Variants in PSG4 observed in about 807,000 individuals in gnomAD.
The protein encoded by PSG4 is pregnancy specific beta-1-glycoprotein 4.
In PSG4, 61 loss-of-function variants were observed where a neutral mutation model predicts 44.3. That is an observed-to-expected ratio of 1.38 (90% CI 1.12 to 1.70). PSG4 has a LOEUF of 1.70. PSG4 is among the 40% of genes most tolerant of loss of function. PSG4 has a pLI of 0.00. For synonymous variants in PSG4, 248 were observed against 191.3 expected (o/e 1.30, Z -2.45); for missense variants, 677 against 511.7 (o/e 1.32, Z -3.12).
chr19:43,204,094 G>A lies in PSG4; in HGVS notation c.222C>T (p.Tyr74=), dbSNP rs1568390703. 4.4e-6 allele frequency: 7 copies of A among 1,586,472 alleles called. 2 individuals are homozygous for A. The highest frequency in any genetic ancestry group is 5.3e-5 in the East Asian group (2 of 37,512). The stretch of plus-strand genomic sequence containing the variant: ...CATATGATGTAATGTAATGGTAGAG[G>A]TATGTCATTTGCCCTTTGTACCAAA... ...GYIWYKGQMT[Y]LYHYITSYVV... is the part of the protein sequence containing the mutation. Residue 74 remains tyrosine, a synonymous_variant, in exon 2 of 6, where the codon TAC becomes TAT. Transcript: ENST00000405312.
chr19:43,202,034 G>A (rs1967536317), intron 2 of PSG4, among the ~76,000 whole-genome samples: 1 of 145,154 alleles, frequency 6.9e-6, no homozygotes, highest in Non-Finnish European at 1.5e-5. Context: ...GCAACTCCAG[G>A]TGATTTCTGC....
Position 43,205,357 on chromosome 19 carries a change from T to G in PSG4, c.64+116A>C, listed in dbSNP as rs1967736014. ...CTCCTGATCTCCTGATCCACCCAAC[T>G]CAGCCTCCCAAAGTGCTGGCTTCTT... On this transcript the variant is annotated intron_variant, in intron 1 of 5. Transcript: ENST00000405312. 18 of 1,260,464 alleles carry G rather than the reference T, an allele frequency of 1.4e-5. 1 individual carries two copies. Among genetic ancestry groups the G allele is most frequent in the Non-Finnish European group, 1.9e-5 (18 of 928,576 alleles). The allele number at this position is 1,260,464 out of a possible 1,614,324, so 78.1% of individuals were successfully genotyped here.
rs986368798 is a variant in PSG4 at position 43,200,919 on chromosome 19, C to T, written c.431-2644G>A. Among the ~76,000 whole-genome samples the T allele has an allele frequency of 2.6e-4, 38 of 145,866 alleles. 9 individuals carry two copies. Among genetic ancestry groups the T allele is most frequent in the East Asian group, 2.1e-3 (9 of 4,248 alleles). Reference sequence around the variant, plus strand: ...GTTGACTTTTTACTTAGTGTTAGAACGGAGTCACAAATTTTAAGCTTGTTA... The same window carrying T: ...GTTGACTTTTTACTTAGTGTTAGAATGGAGTCACAAATTTTAAGCTTGTTA... On this transcript the variant is annotated intron_variant, in intron 2 of 5. Coordinates refer to ENST00000405312, the MANE Select transcript of PSG4 (RefSeq NM_002780.5).
chr19:43,205,473 C>T lies in PSG4; in HGVS notation c.64G>A (p.Ala22Thr). Residue 22 changes from alanine (A) to threonine (T), a missense_variant and splice_region_variant, in exon 1 of 6, where the codon GCA becomes ACA. Transcript: ENST00000405312. ...CTCTCCCAGGAAGTTCTCTCCTCAC[C>T]TGTGAGCAGGACCCCCTTCCAGGTG... is the stretch of plus-strand genomic sequence containing the variant. Reference protein sequence around the residue: ...RITWKGVLLTASLLNFWNPPT... With the variant: ...RITWKGVLLTTSLLNFWNPPT... The T allele has an allele frequency of 2.6e-6, 4 of 1,544,674 alleles. No individual in the cohort carries two copies. Among genetic ancestry groups the T allele is most frequent in the Non-Finnish European group, 3.5e-6 (4 of 1,141,148 alleles).
At chr19:43,205,111 C>CTTTTTTTTTTCTTTTTTTTTTTT (rs1555724415) in intron 1 of PSG4, among the ~76,000 whole-genome samples, 8 of 90,852 alleles carry the variant, frequency 8.8e-5, no homozygotes, top group Non-Finnish European at 1.6e-4. Context: ...TTCCTTTTTT[C>CTTTTTTTTTTCTTTTTTTTTTTT]TTTTTTTTTT....
chr19:43,199,229 C>A (rs1459521212), intron 2 of PSG4, among the ~76,000 whole-genome samples: 1 of 145,456 alleles, frequency 6.9e-6, no homozygotes, highest in Non-Finnish European at 1.5e-5. Flanking sequence ...ATTCTACTCT[C>A]TGATTCTGAG....
chr19:43,195,593 C>G (rs539763826), intron 3 of PSG4, among the ~76,000 whole-genome samples: 7 of 151,492 alleles, frequency 4.6e-5, no homozygotes, highest in African/African-American at 1.7e-4. Context: ...AACTTGCTGG[C>G]TCACCTTGGG....
chr19:43,194,702 T>G (rs1464180245), intron 4 of PSG4, 108 bp from the exon 5 acceptor site: 21 of 1,494,344 alleles, frequency 1.4e-5, no homozygotes, highest in Non-Finnish European at 1.9e-5. Context: ...CACCTTCAAG[T>G]CCCAGCCAAA....
intron 2 of PSG4, chr19:43,198,597 C>A (rs1568386512): frequency 5.8e-6 from 2 of 342,830 alleles, no homozygotes; most frequent in Non-Finnish European, 5.0e-6. Flanking sequence ...GCCTGACCCA[C>A]CTTGTGGTCC....
In PSG4 at chr19:43,194,326, T is replaced by G. The variant is rs760943000; in HGVS notation, c.1243+14A>C. The stretch of plus-strand genomic sequence containing the variant: ...CCTAAATCCCTATTGCCAAGGATGC[T>G]GGGATCCACTTACCAGAGACTTTGA... On this transcript the variant is annotated intron_variant, in intron 5 of 5. Coordinates refer to ENST00000405312, the MANE Select transcript of PSG4 (RefSeq NM_002780.5). 2 of 1,612,178 alleles carry G rather than the reference T, an allele frequency of 1.2e-6. No individual in the cohort carries two copies. Among genetic ancestry groups the G allele is most frequent in the South Asian group, 2.2e-5 (2 of 91,020 alleles).
rs890941231 is a variant in PSG4, at chr19:43,197,714, A to T, written c.709+283T>A. The T allele has an allele frequency of 6.6e-6, 4 of 606,756 alleles. No homozygotes were observed. In the South Asian group the frequency reaches 9.8e-5, roughly 15 times the overall value. 37.6% of individuals were successfully genotyped at this position (606,756 alleles called of 1,614,324 possible). On this transcript the variant is annotated intron_variant, in intron 3 of 5. Coordinates refer to ENST00000405312, the MANE Select transcript of PSG4 (RefSeq NM_002780.5). ...GTCGCAACACTGAAGTCCCAGCCAA[A>T]TCCCCGCTGTGTTCACTGATCTGGA... is the stretch of plus-strand genomic sequence containing the variant.
Position 43,204,286 on chromosome 19 carries a change from A to G in PSG4, c.65-35T>C, listed in dbSNP as rs764214829. On this transcript the variant is annotated intron_variant, in intron 1 of 5. Transcript: ENST00000405312. The stretch of plus-strand genomic sequence containing the variant: ...ACAGAGAGCATCAGTTAATATTGAG[A>G]CCTATGTATTGGGGTGAAAAGATGG... 7.6e-5 allele frequency: 116 copies of G among 1,530,756 alleles called. 11 individuals carry two copies. The highest frequency in any genetic ancestry group is 1.0e-4 in the Non-Finnish European group (114 of 1,142,390). 94.8% of individuals were successfully genotyped at this position (1,530,756 alleles called of 1,614,324 possible).
chr19:43,198,450 G>A, intron 2 of PSG4, 175 bp from the exon 3 acceptor site: 2 of 1,167,176 alleles, frequency 1.7e-6, no homozygotes, highest in Non-Finnish European at 2.3e-6. Flanking sequence ...CAGAGATTGT[G>A]AGGCTGCCTG....
rs769377274 is a variant in PSG4 at position 43,198,179 on chromosome 19, G to A, written c.527C>T (p.Ala176Val). ...ACCATTCATCCACCACTGGTAGCTT[G>A]CGGCTGGAGTCGCAGGATCACAGGT... The part of the protein sequence containing the change: ...ILTCDPATPA[A>V]SYQWWMNGQS... The change falls in exon 3 of 6, where the codon GCA becomes GTA. Residue 176 changes from alanine to valine, a missense_variant. Ala to Val is a moderately conservative substitution (Grantham distance 64). Coordinates refer to ENST00000405312, the MANE Select transcript of PSG4 (RefSeq NM_002780.5). 1.3e-5 allele frequency: 21 copies of A among 1,587,742 alleles called. 5 individuals carry two copies. The East Asian group carries it at 4.0e-4, about 30-fold the overall frequency.
At position 43,194,334 on chromosome 19, in the gene PSG4, A is replaced by G. The variant is rs199873727; in HGVS notation, c.1243+6T>C. The G allele has an allele frequency of 1.7e-5, 27 of 1,612,334 alleles. No homozygotes were observed. The highest frequency in any genetic ancestry group is 2.3e-5 in the Non-Finnish European group (27 of 1,179,094). The stretch of plus-strand genomic sequence containing the variant: ...CCTATTGCCAAGGATGCTGGGATCC[A>G]CTTACCAGAGACTTTGACTGTGATG... On this transcript the variant is annotated splice_donor_region_variant and intron_variant, in intron 5 of 5. Transcript: ENST00000405312.
intron 5 of PSG4, chr19:43,194,096 T>C: frequency 7.9e-7 from 1 of 1,263,130 alleles, no homozygotes; most frequent in Non-Finnish European, 1.1e-6. Flanking sequence ...ATATTGTCAA[T>C]TATTTCAATG....
intron 4 of PSG4, 50 bp from the exon 5 acceptor site, chr19:43,194,644 A>G (rs1967155817): frequency 1.3e-6 from 2 of 1,575,458 alleles, no homozygotes; most frequent in Admixed American, 1.7e-5. Context: ...AGGGAAGGGG[A>G]TGTTCCTGGT....
Position 43,204,115 on chromosome 19 carries a change from C to G in PSG4, c.201G>C (p.Trp67Cys). Reference protein sequence around the residue: ...NLPQNLAGYIWYKGQMTYLYH... With the variant: ...NLPQNLAGYICYKGQMTYLYH... ...AGAGGTATGTCATTTGCCCTTTGTA[C>G]CAAATGTAGCCAGCAAGATTCTGGG... Residue 67 changes from tryptophan to cysteine, a missense_variant, in exon 2 of 6, where the codon TGG (tryptophan) becomes TGC (cysteine). Physicochemically the swap from Trp to Cys is radical, Grantham distance 215 (BLOSUM62 -2). Transcript: ENST00000405312. 2.5e-6 allele frequency: 4 copies of G among 1,587,054 alleles called. No homozygotes were observed. The highest frequency in any genetic ancestry group is 2.6e-6 in the Non-Finnish European group (3 of 1,171,532).
Position 43,192,990 on chromosome 19 carries a change from C to G in PSG4, c.*382G>C. On this transcript the variant is annotated 3_prime_UTR_variant, in exon 6 of 6. Coordinates refer to ENST00000405312, the MANE Select transcript of PSG4 (RefSeq NM_002780.5). ...AGGTTGAGATGACATATCTGACACT[C>G]TGTTGTTACCCTCAGAAGCTACTAC... The G allele has an allele frequency of 3.9e-6, 2 of 519,324 alleles. No individual in the cohort carries two copies. Among genetic ancestry groups the G allele is most frequent in the South Asian group, 5.7e-5 (2 of 35,090 alleles). 32.2% of individuals were successfully genotyped at this position (519,324 alleles called of 1,614,324 possible). A position where few individuals can be genotyped will look rare whatever the true frequency, so the allele number is the denominator to read the frequency against.
Sources: allele counts gnomAD v4.1 joint callset (sites outside exome capture counted in the v4.1 genomes callset), GRCh38; gene constraint gnomAD v4.1.1; transcripts MANE v1.5; gene names NCBI Gene and HGNC (gene_info 2026-07-23, HGNC 2026-07-21).